Variants in BNC2 observed in about 807,000 individuals in gnomAD.
The protein encoded by BNC2 is zinc finger protein basonuclin-2.
In BNC2, 20 loss-of-function variants were observed where a neutral mutation model predicts 76.3. The ratio of observed to expected loss-of-function variants is 0.26; its 90% CI spans 0.18 to 0.38. BNC2 has a LOEUF of 0.38. Among genes scored for constraint, BNC2 ranks in the 10% least tolerant of loss-of-function variants. The probability of loss-of-function intolerance (pLI) is 1.00; values close to 1 mark genes in which losing one functional copy is unlikely to be tolerated. For synonymous variants in BNC2, 582 were observed against 514.8 expected (o/e 1.13, Z -1.77); for missense variants, 1,382 against 1,399.8 (o/e 0.99, Z 0.20).
intron 5 of BNC2, among the ~76,000 whole-genome samples, chr9:16,472,806 G>C (rs975501788): frequency 1.3e-5 from 2 of 152,214 alleles, no homozygotes; most frequent in African/African-American, 4.8e-5. Context: ...AATGAAAGGG[G>C]TGAAATATAA....
intron 1 of BNC2, among the ~76,000 whole-genome samples, chr9:16,835,369 T>C (rs115745608): frequency 0.014 from 2,118 of 152,264 alleles, 52 homozygotes; most frequent in African/African-American, 0.048. Context: ...CCTTATTTGA[T>C]AGAGAAGGAA....
intron 3 of BNC2, among the ~76,000 whole-genome samples, chr9:16,630,700 A>T (rs1821134996): frequency 6.6e-6 from 1 of 151,870 alleles, no homozygotes; most frequent in Non-Finnish European, 1.5e-5. Flanking sequence ...GGTCCTCACC[A>T]GTAGTTACAC....
At chr9:16,654,770 G>C (rs10756772) in intron 3 of BNC2, among the ~76,000 whole-genome samples, 71,121 of 151,854 alleles carry the variant, frequency 0.47, 18,875 homozygotes, top group East Asian at 0.69. Flanking sequence ...GAAGGTTTTG[G>C]ACAGTGTATT....
intron 3 of BNC2, chr9:16,685,481 G>A: frequency 9.6e-7 from 1 of 1,044,980 alleles, no homozygotes; most frequent in Non-Finnish European, 1.3e-6. Context: ...ATACCCAAAT[G>A]GCTTTCCAGG....
At chr9:16,424,016 T>C (rs1820757409) in intron 6 of BNC2, among the ~76,000 whole-genome samples, 1 of 152,194 alleles carries the variant, frequency 6.6e-6, no homozygotes, top group Non-Finnish European at 1.5e-5. Flanking sequence ...ACTACCAGTC[T>C]TTTTCTGTTC....
In BNC2 at chr9:16,436,206, C is replaced by T. The variant is rs374603135; in HGVS notation, c.1988G>A (p.Gly663Asp). ...GCTCATGTCATTGACCACAGCTCCA[C>T]CATCATTGGGGTCATCATCTTCATC... is the stretch of plus-strand genomic sequence containing the variant. ...FDDEDDDPND[G>D]GAVVNDMSHD... Residue 663 changes from glycine (G) to aspartate (D), a missense_variant, in exon 6 of 7, where the codon GGT becomes GAT. Transcript: ENST00000380672. 8 of 1,614,144 alleles carry T rather than the reference C, an allele frequency of 5.0e-6. No individual in the cohort carries two copies. Among genetic ancestry groups the T allele is most frequent in the Non-Finnish European group, 5.9e-6 (7 of 1,180,018 alleles).
At chr9:16,848,587 TAC>T (rs1351415740) in intron 1 of BNC2, among the ~76,000 whole-genome samples, 1 of 152,198 alleles carries the variant, frequency 6.6e-6, no homozygotes, top group African/African-American at 2.4e-5. Flanking sequence ...AGCAGAACTT[TAC>T]ACCTGAAAAC....
chr9:16,778,587 C>G (rs891558952), intron 1 of BNC2, among the ~76,000 whole-genome samples: 5 of 152,170 alleles, frequency 3.3e-5, no homozygotes, highest in Non-Finnish European at 5.9e-5. Context: ...TGCAAGGTAG[C>G]ATCTGTATTT....
intron 3 of BNC2, among the ~76,000 whole-genome samples, chr9:16,586,192 T>C (rs1265178519): frequency 6.6e-6 from 1 of 151,986 alleles, no homozygotes; most frequent in Non-Finnish European, 1.5e-5. Flanking sequence ...GGTTGGAGGC[T>C]CTCAGACATG....
At position 16,832,993 on chromosome 9, in the gene BNC2, G is replaced by A. The variant is rs373553928; in HGVS notation, c.3+37653C>T. 3.3e-4 allele frequency among the ~76,000 whole-genome samples: 50 copies of A among 152,070 alleles called. No homozygotes were observed. In the South Asian group the frequency reaches 0.01, roughly 31 times the overall value. On this transcript the variant is annotated intron_variant, in intron 1 of 6. Transcript: ENST00000380672. Reference sequence around the variant, plus strand: ...CCTGCCTTGACCTCCCAAAGTGCTGGGATTACAGGTGTAAGCCCCCCCGCC... The same window carrying A: ...CCTGCCTTGACCTCCCAAAGTGCTGAGATTACAGGTGTAAGCCCCCCCGCC...
At chr9:16,523,484 A>AC (rs1817687155) in intron 5 of BNC2, among the ~76,000 whole-genome samples, 1 of 132,444 alleles carries the variant, frequency 7.6e-6, no homozygotes, top group African/African-American at 3.5e-5. Context: ...ACAAAAAAAA[A>AC]AAACAAAACA....
At chr9:16,822,022 A>G (rs1586911666) in intron 1 of BNC2, among the ~76,000 whole-genome samples, 1 of 148,234 alleles carries the variant, frequency 6.7e-6, no homozygotes, top group Non-Finnish European at 1.5e-5. Context: ...GAACCCGGAA[A>G]GCGGAGCCTG....
Position 16,748,903 on chromosome 9 carries a change from C to CT in BNC2, c.4-10419dup, listed in dbSNP as rs200882310. Among the ~76,000 whole-genome samples, 631 of 111,442 alleles carry CT rather than the reference C, an allele frequency of 5.7e-3. 5 individuals carry two copies. The highest frequency in any genetic ancestry group is 0.021 in the African/African-American group (574 of 26,930). The allele number at this position is 111,442 out of a possible 152,430, so 73.1% of individuals were successfully genotyped here. ...TGTTTTCTCTGTGTAAGCTTCTGTA[C>CT]TTTTTTTCACTTTTTATACTATATA... On this transcript the variant is annotated intron_variant, in intron 1 of 6. Coordinates refer to ENST00000380672, the MANE Select transcript of BNC2 (RefSeq NM_017637.6).
chr9:16,539,634 CG>C lies in BNC2; in HGVS notation c.669+12895del, dbSNP rs1818242719. On this transcript the variant is annotated intron_variant, in intron 5 of 6. Transcript: ENST00000380672. ...AGAGAGAGAGAAGGGAGGGAGGGAG[CG>C]AGGGAGGGAGAGAGAGAGAGAAGGG... Among the ~76,000 whole-genome samples the C allele has an allele frequency of 3.3e-4, 5 of 15,108 alleles. 1 individual carries two copies. In the South Asian group the frequency reaches 0.025, roughly 76 times the overall value. 9.9% of individuals were successfully genotyped at this position (15,108 alleles called of 152,430 possible).
At chr9:16,759,885 G>A (rs374795592) in intron 1 of BNC2, among the ~76,000 whole-genome samples, 36 of 151,896 alleles carry the variant, frequency 2.4e-4, no homozygotes, top group East Asian at 2.1e-3. Flanking sequence ...CACCACGCCC[G>A]GCTAATTTTT....
chr9:16,751,485 C>T (rs1005848936), intron 1 of BNC2, among the ~76,000 whole-genome samples: 9 of 151,770 alleles, frequency 5.9e-5, no homozygotes, highest in African/African-American at 2.2e-4. Context: ...TCTCGACTTC[C>T]CTTGCATTGC....
chr9:16,506,788 G>C lies in BNC2; in HGVS notation c.669+45742C>G, dbSNP rs150536268. Among the ~76,000 whole-genome samples the C allele has an allele frequency of 1.6e-3, 237 of 151,314 alleles. 2 individuals carry two copies. The highest frequency in any genetic ancestry group is 5.0e-3 in the African/African-American group (207 of 41,176). On this transcript the variant is annotated intron_variant, in intron 5 of 6. Coordinates refer to ENST00000380672, the MANE Select transcript of BNC2 (RefSeq NM_017637.6). ...TTTGTTTGTTTGGAGTTTTGCTCTT[G>C]TCACCCAGGCTGGAGTGCAGTGGTG...
chr9:16,462,054 T>C (rs1187654200), intron 5 of BNC2, among the ~76,000 whole-genome samples: 1 of 152,216 alleles, frequency 6.6e-6, no homozygotes, highest in Non-Finnish European at 1.5e-5. Context: ...CTGCCTTTCA[T>C]CACATGCAGT....
chr9:16,437,619 A>C, intron 5 of BNC2, 95 bp from the exon 6 acceptor site: 1 of 1,414,848 alleles, frequency 7.1e-7, no homozygotes, highest in Non-Finnish European at 9.7e-7. Flanking sequence ...CTGTGTGCTC[A>C]TAAAACACTG....
Sources: allele counts gnomAD v4.1 joint callset (sites outside exome capture counted in the v4.1 genomes callset), GRCh38; gene constraint gnomAD v4.1.1; transcripts MANE v1.5; gene names NCBI Gene and HGNC (gene_info 2026-07-23, HGNC 2026-07-21).